Variants in IL1R1 observed in about 807,000 individuals in gnomAD.
IL1R1 encodes the protein interleukin-1 receptor type 1.
IL1R1 carries 22 observed loss-of-function variants against 50.2 expected under a neutral mutation model. The observed-to-expected ratio is 0.44, with a 90% CI of 0.31 to 0.63. The LOEUF (loss-of-function observed/expected upper bound fraction) is 0.63. Among genes scored for constraint, IL1R1 ranks in the 20% least tolerant of loss-of-function variants. The pLI, the probability that IL1R1 is intolerant of heterozygous loss-of-function variation, is 0.07. For synonymous variants in IL1R1, 251 were observed against 236.7 expected (o/e 1.06, Z -0.55); for missense variants, 509 against 676.2 (o/e 0.75, Z 2.74).
At chr2:102,100,767 G>A (rs58419327), upstream of IL1R1, among the ~76,000 whole-genome samples, 1,488 of 152,294 alleles carry the variant, frequency 9.8e-3, 25 homozygotes, top group African/African-American at 0.033. Flanking sequence ...TCAGTAATGG[G>A]TGTGGAAGCT....
chr2:102,151,037 T>C (rs1011707071), intron 1 of IL1R1, among the ~76,000 whole-genome samples: 8 of 152,244 alleles, frequency 5.3e-5, no homozygotes, highest in African/African-American at 1.9e-4. Context: ...AAAGGTACGT[T>C]TTGAATCTTA....
intron 1 of IL1R1, among the ~76,000 whole-genome samples, chr2:102,136,550 G>A (rs1034454483): frequency 4.6e-5 from 7 of 151,902 alleles, no homozygotes; most frequent in African/African-American, 1.7e-4. Flanking sequence ...CTAATTTTTT[G>A]TATCTTTAGT....
At chr2:102,121,712 G>A (rs1486215737) in intron 1 of IL1R1, among the ~76,000 whole-genome samples, 1 of 152,156 alleles carries the variant, frequency 6.6e-6, no homozygotes, top group Non-Finnish European at 1.5e-5. Flanking sequence ...ACAAAGCCTA[G>A]CACATTTTTT....
intron 1 of IL1R1, among the ~76,000 whole-genome samples, chr2:102,090,245 T>G (rs1341325169): frequency 1.3e-5 from 2 of 151,280 alleles, no homozygotes; most frequent in East Asian, 1.9e-4. Flanking sequence ...TGCAGGAACC[T>G]AAATCCCCAC....
intron 2 of IL1R1, among the ~76,000 whole-genome samples, chr2:102,156,911 A>C (rs1322371872): frequency 6.6e-6 from 1 of 152,168 alleles, no homozygotes; most frequent in Non-Finnish European, 1.5e-5. Context: ...TTGTGTTTTC[A>C]TATTTATTTA....
At chr2:102,164,049 T>C (rs1205054678) in intron 3 of IL1R1, among the ~76,000 whole-genome samples, 2 of 152,212 alleles carry the variant, frequency 1.3e-5, no homozygotes, top group African/African-American at 2.4e-5. Context: ...GTTTCCAGCA[T>C]TGGGTGTGCT....
At position 102,177,705 on chromosome 2, in the gene IL1R1, A is replaced by T. The variant is rs550668470; in HGVS notation, c.*946A>T. 6.6e-6 allele frequency: 1 copy of T among 152,512 alleles called. No individual in the cohort carries two copies. The highest frequency in any genetic ancestry group is 1.5e-5 in the Non-Finnish European group (1 of 68,062). The allele number at this position is 152,512 out of a possible 1,614,324, so 9.4% of individuals were successfully genotyped here. A position where few individuals can be genotyped will look rare whatever the true frequency, so the allele number is the denominator to read the frequency against. On this transcript the variant is annotated 3_prime_UTR_variant, in exon 12 of 12. Transcript: ENST00000410023. ...GAGGGAGAGAACTTAAAAAAGCAACAGTAGCAGGGAATTGATCCACTTCTT... is the reference window on the plus strand; with the variant it reads ...GAGGGAGAGAACTTAAAAAAGCAACTGTAGCAGGGAATTGATCCACTTCTT...
intron 8 of IL1R1, 61 bp downstream of exon 8, chr2:102,171,979 C>T: frequency 1.2e-6 from 1 of 818,780 alleles, no homozygotes; most frequent in Non-Finnish European, 1.8e-6. Flanking sequence ...TTTTATATAA[C>T]CTTGTCGGTT....
intron 1 of IL1R1, among the ~76,000 whole-genome samples, chr2:102,071,579 T>A (rs867167238): frequency 2.6e-5 from 4 of 152,328 alleles, no homozygotes; most frequent in South Asian, 2.1e-4. Flanking sequence ...AAATTTACCA[T>A]CTCATGTAAC....
intron 1 of IL1R1, among the ~76,000 whole-genome samples, chr2:102,105,483 G>C (rs1680352911): frequency 6.6e-6 from 1 of 152,152 alleles, no homozygotes; most frequent in Non-Finnish European, 1.5e-5. Flanking sequence ...TCCTGCCTCA[G>C]CCTCCCGAGT....
At chr2:102,109,851 G>T (rs1329487044) in intron 1 of IL1R1, among the ~76,000 whole-genome samples, 1 of 152,196 alleles carries the variant, frequency 6.6e-6, no homozygotes, top group Non-Finnish European at 1.5e-5. Context: ...TATGGTGAGT[G>T]CTAGCTTGGG....
upstream of IL1R1, among the ~76,000 whole-genome samples, chr2:102,138,218 C>A (rs1473286977): frequency 6.6e-6 from 1 of 152,142 alleles, no homozygotes; most frequent in Non-Finnish European, 1.5e-5. Flanking sequence ...GGCCACTAAT[C>A]TGGTTCTGTT....
Position 102,096,896 on chromosome 2 carries a change from A to G in IL1R1, c.-84+26363A>G, listed in dbSNP as rs1553623991. On this transcript the variant is annotated intron_variant, in intron 1 of 11. Coordinates refer to the IL1R1 transcript ENST00000409929. ...GGATCTTTTTTTTTTTTTTTTCTGC[A>G]TGGGATGAAATAAGGAACCAATTCT... 1.5e-5 allele frequency among the ~76,000 whole-genome samples: 2 copies of G among 136,248 alleles called. 1 individual carries two copies. Among genetic ancestry groups the G allele is most frequent in the South Asian group, 4.5e-4 (2 of 4,482 alleles). 89.4% of individuals were successfully genotyped at this position (136,248 alleles called of 152,430 possible). A position where few individuals can be genotyped will look rare whatever the true frequency, so the allele number is the denominator to read the frequency against.
chr2:102,073,677 C>G (rs1484632166), intron 1 of IL1R1, among the ~76,000 whole-genome samples: 2 of 152,060 alleles, frequency 1.3e-5, no homozygotes, highest in Non-Finnish European at 2.9e-5. Context: ...TTCTTGGATG[C>G]CAAATAGATA....
At chr2:102,119,647 G>C (rs1009443593) in intron 1 of IL1R1, among the ~76,000 whole-genome samples, 2 of 152,134 alleles carry the variant, frequency 1.3e-5, no homozygotes, top group Non-Finnish European at 2.9e-5. Context: ...TATTATCTTA[G>C]TTTTCAGCTT....
intron 2 of IL1R1, among the ~76,000 whole-genome samples, chr2:102,155,698 C>T (rs543378335): frequency 6.6e-6 from 1 of 152,296 alleles, no homozygotes; most frequent in East Asian, 1.9e-4. Context: ...CCCAGAGCAG[C>T]TCTGGGGCAG....
chr2:102,172,354 G>T (rs1404631559), intron 8 of IL1R1: 9 of 985,124 alleles, frequency 9.1e-6, no homozygotes, highest in Non-Finnish European at 1.1e-5. Context: ...CACAACACCT[G>T]CAAAGCACTT....
chr2:102,077,397 A>T (rs1292481448), intron 1 of IL1R1, among the ~76,000 whole-genome samples: 2 of 152,172 alleles, frequency 1.3e-5, no homozygotes, highest in Non-Finnish European at 2.9e-5. Context: ...TTCTTTTGTA[A>T]TGTGAATTTG....
At chr2:102,072,007 A>G (rs778768981) in intron 1 of IL1R1, among the ~76,000 whole-genome samples, 1 of 152,168 alleles carries the variant, frequency 6.6e-6, no homozygotes, top group Non-Finnish European at 1.5e-5. Flanking sequence ...CTGTAATCCC[A>G]GCACTTTGGG....
Sources: gnomAD v4.1 joint callset for allele counts (sites outside exome capture counted in the v4.1 genomes callset) on GRCh38, gnomAD v4.1.1 for gene constraint, MANE v1.5 for transcripts, NCBI Gene and HGNC (gene_info 2026-07-23, HGNC 2026-07-21) for gene names.